The following GRM5 variants were observed in gnomAD, a reference collection of about 807,000 sequenced individuals.
The protein encoded by GRM5 is glutamate metabotropic receptor 5.
A neutral mutation model predicts 83.1 loss-of-function variants in GRM5; 19 were observed. The ratio of observed to expected loss-of-function variants is 0.23; its 90% CI spans 0.16 to 0.34. The LOEUF (loss-of-function observed/expected upper bound fraction) is 0.34. Among genes scored for constraint, GRM5 ranks in the 10% least tolerant of loss-of-function variants. The pLI is 1.00. For synonymous variants in GRM5, 675 were observed against 633.6 expected, an observed-to-expected ratio of 1.07 and a Z score of -0.98; for missense variants, 1,160 against 1,588.3, an observed-to-expected ratio of 0.73 and a Z score of 4.58.
At chr11:88,711,846 CAGAG>C (rs539741007) in intron 3 of GRM5, among the ~76,000 whole-genome samples, 1 of 151,912 alleles carries the variant, frequency 6.6e-6, no homozygotes, top group Admixed American at 6.6e-5. Flanking sequence ...TGTGAGAACT[CAGAG>C]AGAGAGACAG....
intron 8 of GRM5, among the ~76,000 whole-genome samples, chr11:88,543,352 G>T (rs1210341908): frequency 6.6e-6 from 1 of 152,190 alleles, no homozygotes; most frequent in East Asian, 1.9e-4. Context: ...GGTGCAGAAT[G>T]TGTCATTGGA....
At chr11:88,535,774 ATG>A (rs1173045938) in intron 8 of GRM5, among the ~76,000 whole-genome samples, 2 of 152,122 alleles carry the variant, frequency 1.3e-5, no homozygotes, top group East Asian at 1.9e-4. Context: ...GTGTGTACAC[ATG>A]TGTGTGAGTG....
chr11:88,542,470 T>C (rs1014609713), intron 8 of GRM5, among the ~76,000 whole-genome samples: 4 of 152,176 alleles, frequency 2.6e-5, no homozygotes, highest in Non-Finnish European at 2.9e-5. Flanking sequence ...AAACATTGTT[T>C]CAAACATTGT....
At chr11:88,579,090 T>C (rs1943173744) in intron 7 of GRM5, among the ~76,000 whole-genome samples, 2 of 152,184 alleles carry the variant, frequency 1.3e-5, no homozygotes, top group Non-Finnish European at 2.9e-5. Context: ...GAAATCATGA[T>C]TCCAACCTTT....
intron 3 of GRM5, among the ~76,000 whole-genome samples, chr11:88,715,512 A>C (rs2135388754): frequency 6.6e-6 from 1 of 151,856 alleles, no homozygotes; most frequent in South Asian, 2.1e-4. Context: ...AGAGCTGCTG[A>C]CCTCCCTGGA....
At chr11:88,947,125 A>C (rs1203931735) in intron 2 of GRM5, among the ~76,000 whole-genome samples, 1 of 152,158 alleles carries the variant, frequency 6.6e-6, no homozygotes, top group Non-Finnish European at 1.5e-5. Context: ...ATGTAAGTAA[A>C]TGAGAGGTTG....
intron 8 of GRM5, among the ~76,000 whole-genome samples, chr11:88,562,436 A>G (rs1413951317): frequency 6.6e-6 from 1 of 152,124 alleles, no homozygotes; most frequent in African/African-American, 2.4e-5. Flanking sequence ...CAAATTTCCC[A>G]TCTGAAAAAT....
chr11:88,521,000 G>T lies in GRM5; in HGVS notation c.2726+4309C>A, dbSNP rs188750996. On this transcript the variant is annotated intron_variant, in intron 9 of 9. Coordinates refer to ENST00000305447, the MANE Select transcript of GRM5 (RefSeq NM_001143831.3). The stretch of plus-strand genomic sequence containing the variant: ...CCCCATCCCACCCTCCTTCCTTCTG[G>T]CACTGGAGGGGGACTAGAGAGCTGT... Among the ~76,000 whole-genome samples, 133 of 152,096 alleles carry T rather than the reference G, an allele frequency of 8.7e-4. 1 individual carries two copies. The highest frequency in any genetic ancestry group is 3.0e-3 in the African/African-American group (125 of 41,490).
chr11:88,533,200 C>T (rs1275992567), intron 8 of GRM5, among the ~76,000 whole-genome samples: 1 of 152,152 alleles, frequency 6.6e-6, no homozygotes, highest in East Asian at 1.9e-4. Context: ...CCTCCCACTC[C>T]CTGACTATCT....
At chr11:88,721,050 T>C (rs919801220) in intron 3 of GRM5, among the ~76,000 whole-genome samples, 8 of 152,042 alleles carry the variant, frequency 5.3e-5, no homozygotes, top group African/African-American at 1.9e-4. Flanking sequence ...TGATTTTAAG[T>C]ACATTCTTTA....
At chr11:88,747,304 A>G (rs1591485206) in intron 3 of GRM5, among the ~76,000 whole-genome samples, 1 of 152,332 alleles carries the variant, frequency 6.6e-6, no homozygotes, top group East Asian at 1.9e-4. Flanking sequence ...TGGGTAACAC[A>G]TTCCTTAGAC....
At position 88,893,656 on chromosome 11, in the gene GRM5, C is replaced by T. The variant is rs539394621; in HGVS notation, c.662-43501G>A. On this transcript the variant is annotated intron_variant, in intron 2 of 9. Transcript: ENST00000305447. ...TGGTGGAGGAAAACCAGTATCACAACCCATTGGAATGACTGACAGCAATTA... is the reference window on the plus strand; with the variant it reads ...TGGTGGAGGAAAACCAGTATCACAATCCATTGGAATGACTGACAGCAATTA... Among the ~76,000 whole-genome samples, 12 of 152,106 alleles carry T rather than the reference C, an allele frequency of 7.9e-5. No homozygotes were observed. In the East Asian group the frequency reaches 2.3e-3, roughly 29 times the overall value.
At chr11:88,981,200 C>T (rs543672040) in intron 2 of GRM5, among the ~76,000 whole-genome samples, 1 of 152,216 alleles carries the variant, frequency 6.6e-6, no homozygotes, top group African/African-American at 2.4e-5. Context: ...TGTTCTATGC[C>T]ATACACTTTG....
intron 2 of GRM5, among the ~76,000 whole-genome samples, chr11:89,043,825 T>A (rs1941584794): frequency 6.6e-6 from 1 of 152,118 alleles, no homozygotes; most frequent in Admixed American, 6.6e-5. Context: ...ATGTTTGAGG[T>A]CAACTGGTCT....
intron 3 of GRM5, among the ~76,000 whole-genome samples, chr11:88,810,612 G>A (rs867485930): frequency 1.3e-5 from 2 of 152,018 alleles, no homozygotes; most frequent in Non-Finnish European, 2.9e-5. Flanking sequence ...AATCCTGTTC[G>A]TTGCTCCTAC....
intron 7 of GRM5, among the ~76,000 whole-genome samples, chr11:88,578,019 G>A (rs754763008): frequency 1.6e-4 from 24 of 152,008 alleles, no homozygotes; most frequent in African/African-American, 2.4e-4. Flanking sequence ...TATACAAAAC[G>A]GTGTGACTCA....
chr11:89,027,336 C>T (rs560759160), intron 2 of GRM5, among the ~76,000 whole-genome samples: 1 of 150,340 alleles, frequency 6.7e-6, no homozygotes, highest in Non-Finnish European at 1.5e-5. Flanking sequence ...CCTCGTGATC[C>T]ACACTCCTCA....
intron 3 of GRM5, among the ~76,000 whole-genome samples, chr11:88,771,312 T>A (rs1270035575): frequency 1.3e-5 from 2 of 151,976 alleles, no homozygotes; most frequent in African/African-American, 4.8e-5. Context: ...ATATGCAAGC[T>A]GAGGAAAAAA....
chr11:88,964,030 G>A (rs1938866641), intron 2 of GRM5, among the ~76,000 whole-genome samples: 1 of 152,120 alleles, frequency 6.6e-6, no homozygotes, highest in African/African-American at 2.4e-5. Context: ...AGACTCTACA[G>A]ATCAGTGCAG....
Sources: gnomAD v4.1 joint callset for allele counts (sites outside exome capture counted in the v4.1 genomes callset) on GRCh38, gnomAD v4.1.1 for gene constraint, MANE v1.5 for transcripts, NCBI Gene and HGNC (gene_info 2026-07-23, HGNC 2026-07-21) for gene names.